Variants in PTGR1 observed in about 807,000 individuals in gnomAD.
PTGR1 encodes the protein 15-oxoprostaglandin 13-reductase.
In PTGR1, 23 loss-of-function variants were observed where a neutral mutation model predicts 37.7. That is an observed-to-expected ratio of 0.61 (90% CI 0.44 to 0.86). The LOEUF is 0.86. PTGR1 is among the 40% of genes least tolerant of loss of function. PTGR1 has a pLI of 0.00. For missense variants in PTGR1, 351 were observed against 394.3 expected (o/e 0.89, Z 0.93); for synonymous variants, 134 against 140.0 (o/e 0.96, Z 0.30).
intron 6 of PTGR1, 137 bp from the exon 7 acceptor site, chr9:111,579,088 T>A: frequency 1.3e-6 from 1 of 798,254 alleles, no homozygotes; most frequent in Non-Finnish European, 1.9e-6. Context: ...AGGAATACCA[T>A]AATGGGCCAA....
At chr9:111,597,184 TG>T in intron 2 of PTGR1, 132 bp downstream of exon 2, 1 of 692,850 alleles carries the variant, frequency 1.4e-6, no homozygotes, top group African/African-American at 1.8e-5. Context: ...CAGCCCAAAT[TG>T]CCAACCCAAA....
chr9:111,574,669 A>G, intron 8 of PTGR1, 65 bp downstream of exon 8: 5 of 1,080,336 alleles, frequency 4.6e-6, no homozygotes, highest in South Asian at 1.4e-5. Flanking sequence ...GGCCTATGGC[A>G]TATCTGTGAA....
chr9:111,560,659 A>AAC, downstream of PTGR1, among the ~76,000 whole-genome samples: 1 of 143,812 alleles, frequency 7.0e-6, no homozygotes, highest in East Asian at 2.1e-4. Context: ...AAAAAAAAAA[A>AAC]GGCACCACGC....
intron 9 of PTGR1, among the ~76,000 whole-genome samples, chr9:111,556,763 C>T (rs1215248792): frequency 1.3e-5 from 2 of 152,042 alleles, no homozygotes; most frequent in African/African-American, 2.4e-5. Context: ...TTTTTGCTCT[C>T]CCCTGCTGCC....
At chr9:111,553,539 G>A (rs1828033923) in intron 9 of PTGR1, among the ~76,000 whole-genome samples, 1 of 151,844 alleles carries the variant, frequency 6.6e-6, no homozygotes, top group African/African-American at 2.4e-5. Context: ...TTTTACATCC[G>A]TGCATAGAAA....
At chr9:111,596,896 C>A (rs1181312273) in intron 2 of PTGR1, among the ~76,000 whole-genome samples, 2 of 133,080 alleles carry the variant, frequency 1.5e-5, no homozygotes, top group African/African-American at 5.9e-5. Context: ...CACTGCACTC[C>A]AACCTGGGCA....
intron 9 of PTGR1, chr9:111,549,859 T>G: frequency 9.3e-7 from 1 of 1,079,012 alleles, no homozygotes; most frequent in Non-Finnish European, 1.4e-6. Context: ...TGCTTTAAAG[T>G]CTGTCTAGTG....
intron 6 of PTGR1, among the ~76,000 whole-genome samples, chr9:111,582,893 A>G (rs1274614630): frequency 5.3e-5 from 8 of 152,212 alleles, no homozygotes; most frequent in African/African-American, 1.9e-4. Context: ...CCTTCCCACT[A>G]TGTAATAACA....
At chr9:111,549,917 G>T in intron 9 of PTGR1, 1 of 667,652 alleles carries the variant, frequency 1.5e-6, no homozygotes, top group Admixed American at 2.9e-5. Context: ...GGTTTATTTT[G>T]TGCCTTTGAA....
chr9:111,591,492 C>A (rs1829620997), intron 4 of PTGR1, among the ~76,000 whole-genome samples: 1 of 150,402 alleles, frequency 6.6e-6, no homozygotes, highest in African/African-American at 2.4e-5. Context: ...GCCTCAGCCT[C>A]CCGAGTAGCT....
intron 8 of PTGR1, 148 bp downstream of exon 8, chr9:111,574,586 C>T: frequency 1.9e-6 from 1 of 528,188 alleles, no homozygotes; most frequent in South Asian, 2.7e-5. Context: ...TGAGCACTCA[C>T]AAAGTGAGAC....
At chr9:111,563,343 A>T (rs1046949071) in intron 9 of PTGR1, 112 bp from the exon 10 acceptor site, 37 of 1,068,248 alleles carry the variant, frequency 3.5e-5, no homozygotes, top group Non-Finnish European at 4.7e-5. Flanking sequence ...CTTGAAAATA[A>T]GAGATGGAAG....
chr9:111,588,972 G>C (rs1054405261), intron 4 of PTGR1, among the ~76,000 whole-genome samples: 2 of 152,158 alleles, frequency 1.3e-5, no homozygotes, highest in African/African-American at 4.8e-5. Context: ...CCTTAGTCAG[G>C]ATTTCTATAA....
chr9:111,554,597 T>C (rs10980940), intron 9 of PTGR1, among the ~76,000 whole-genome samples: 10,994 of 152,226 alleles, frequency 0.072, 608 homozygotes, highest in East Asian at 0.26. Flanking sequence ...AGAAGGCTAC[T>C]AAGTGACTAA....
At chr9:111,579,149 A>G (rs925149652) in intron 6 of PTGR1, among the ~76,000 whole-genome samples, 198 bp from the exon 7 acceptor site, 8 of 151,756 alleles carry the variant, frequency 5.3e-5, no homozygotes, top group African/African-American at 1.9e-4. Context: ...ACTCAGCTTC[A>G]GCTTGCTTCT....
At chr9:111,591,246 A>G (rs1007270202) in intron 4 of PTGR1, among the ~76,000 whole-genome samples, 20 of 151,956 alleles carry the variant, frequency 1.3e-4, no homozygotes, top group African/African-American at 4.8e-4. Flanking sequence ...GCGGTGAGCC[A>G]AGATTACGCC....
intron 6 of PTGR1, among the ~76,000 whole-genome samples, chr9:111,579,564 A>AT (rs1589309734): frequency 6.6e-6 from 1 of 151,760 alleles, no homozygotes; most frequent in Non-Finnish European, 1.5e-5. Context: ...CTGGCCTTAT[A>AT]TTTTTTAAAT....
chr9:111,589,334 C>T (rs989742165), intron 4 of PTGR1: 81 of 863,914 alleles, frequency 9.4e-5, no homozygotes, highest in Non-Finnish European at 1.1e-4. Context: ...CACTGAAATT[C>T]CAGTAAAGAT....
chr9:111,591,906 G>T (rs905731639), intron 4 of PTGR1, among the ~76,000 whole-genome samples: 1 of 152,210 alleles, frequency 6.6e-6, no homozygotes, highest in Non-Finnish European at 1.5e-5. Flanking sequence ...GCCAGAATGA[G>T]CCAACAGCGT....
Sources: gnomAD v4.1 joint callset for allele counts (sites outside exome capture counted in the v4.1 genomes callset) on GRCh38, gnomAD v4.1.1 for gene constraint, MANE v1.5 for transcripts, NCBI Gene and HGNC (gene_info 2026-07-23, HGNC 2026-07-21) for gene names.